The following RNF217 variants were observed in gnomAD, a reference collection of about 807,000 sequenced individuals.
RNF217 encodes the protein E3 ubiquitin-protein ligase RNF217.
Under a neutral mutation model 57.8 loss-of-function variants are expected in RNF217, and 31 were observed. The ratio of observed to expected loss-of-function variants is 0.54; its 90% CI spans 0.40 to 0.72. The LOEUF (loss-of-function observed/expected upper bound fraction) is 0.72. RNF217 is among the 30% of genes least tolerant of loss of function. The pLI, the probability that RNF217 is intolerant of heterozygous loss-of-function variation, is 0.00. For synonymous variants in RNF217, 313 were observed against 294.0 expected (o/e 1.06, Z -0.66); for missense variants, 696 against 708.3 (o/e 0.98, Z 0.20).
rs532746809 is a variant in RNF217, at chr6:125,076,692, G to C, written c.1317G>C (p.Met439Ile). 6.2e-7 allele frequency: 1 copy of C among 1,612,852 alleles called. No homozygotes were observed. Among genetic ancestry groups the C allele is most frequent in the East Asian group, 2.2e-5 (1 of 44,856 alleles). ...AGCGAACTGAAGGATGTGACCATAT[G>C]ACCTGCTCACAATGTAACACTAATT... ...HIQRTEGCDH[M>I]TCSQCNTNFC... is the part of the protein sequence containing the mutation. The change falls in exon 4 of 6, where the codon ATG (methionine) becomes ATC (isoleucine). Residue 439 changes from methionine (M) to isoleucine (I), a missense_variant. Coordinates refer to ENST00000521654, the MANE Select transcript of RNF217 (RefSeq NM_001286398.3).
chr6:125,064,757 A>G (rs768382638), intron 3 of RNF217, among the ~76,000 whole-genome samples: 1 of 152,094 alleles, frequency 6.6e-6, no homozygotes, highest in Non-Finnish European at 1.5e-5. Context: ...GTACGTGTGT[A>G]TATATTATTT....
At chr6:125,004,904 A>G (rs1406089508) in intron 1 of RNF217, among the ~76,000 whole-genome samples, 2 of 152,174 alleles carry the variant, frequency 1.3e-5, no homozygotes, top group African/African-American at 4.8e-5. Flanking sequence ...AATACCACAG[A>G]CTGGGTAATT....
At chr6:125,037,737 A>T (rs529188143) in intron 1 of RNF217, among the ~76,000 whole-genome samples, 1 of 152,250 alleles carries the variant, frequency 6.6e-6, no homozygotes, top group East Asian at 1.9e-4. Context: ...TGCTTGTAGT[A>T]GATCTATGTA....
chr6:125,035,856 TG>T (rs1393320300), intron 1 of RNF217, among the ~76,000 whole-genome samples: 1 of 152,008 alleles, frequency 6.6e-6, no homozygotes, highest in Non-Finnish European at 1.5e-5. Flanking sequence ...TGTTTTTGTT[TG>T]TTTGTTTGCA....
At chr6:124,980,345 C>T (rs745990541) in intron 1 of RNF217, among the ~76,000 whole-genome samples, 2 of 152,140 alleles carry the variant, frequency 1.3e-5, no homozygotes, top group African/African-American at 2.4e-5. Flanking sequence ...ATCTTCATTA[C>T]TTTTTAAAAC....
At chr6:124,967,416 T>C (rs1342262871) in intron 1 of RNF217, among the ~76,000 whole-genome samples, 1 of 152,230 alleles carries the variant, frequency 6.6e-6, no homozygotes, top group Admixed American at 6.5e-5. Flanking sequence ...CAGAAAAATC[T>C]GTCATAAATA....
intron 4 of RNF217, among the ~76,000 whole-genome samples, chr6:125,079,519 G>T (rs1242362102): frequency 6.6e-6 from 1 of 151,658 alleles, no homozygotes; most frequent in African/African-American, 2.4e-5. Flanking sequence ...AATATTCAGT[G>T]TTACTAGCTG....
At chr6:125,067,301 A>C (rs1028065190) in intron 3 of RNF217, among the ~76,000 whole-genome samples, 2 of 152,226 alleles carry the variant, frequency 1.3e-5, no homozygotes, top group Non-Finnish European at 1.5e-5. Context: ...TTTATCCTCC[A>C]GACTATAGGG....
chr6:125,009,232 T>TA (rs1251594500), intron 1 of RNF217: 1 of 1,608,240 alleles, frequency 6.2e-7, no homozygotes, highest in Non-Finnish European at 8.5e-7. Context: ...TGTTGTATAA[T>TA]TAGTTCTCTT....
intron 1 of RNF217, among the ~76,000 whole-genome samples, chr6:125,036,255 C>T (rs1786610902): frequency 6.6e-6 from 1 of 152,158 alleles, no homozygotes; most frequent in African/African-American, 2.4e-5. Context: ...AGGACGTGAA[C>T]TCATTCTTTT....
At position 125,084,587 on chromosome 6, in the gene RNF217, T is replaced by C. The variant is rs2114665247; in HGVS notation, c.*1650T>C. On this transcript the variant is annotated 3_prime_UTR_variant, in exon 6 of 6. Transcript: ENST00000521654. ...TTTGTTGGGCTCCAGAGTGTAAGAA[T>C]ATTTTATTTTTTGTTTGACATAAAA... 1 of 152,100 alleles carries C rather than the reference T, an allele frequency of 6.6e-6. No individual in the cohort carries two copies. The highest frequency in any genetic ancestry group is 1.9e-4 in the East Asian group (1 of 5,176). The allele number at this position is 152,100 out of a possible 1,614,324, so 9.4% of individuals were successfully genotyped here. A position where few individuals can be genotyped will look rare whatever the true frequency, so the allele number is the denominator to read the frequency against.
intron 2 of RNF217, among the ~76,000 whole-genome samples, chr6:125,056,394 T>C (rs1391960743): frequency 5.9e-5 from 9 of 152,312 alleles, no homozygotes; most frequent in South Asian, 4.1e-4. Context: ...GACATTATCA[T>C]TGAACAGAAT....
At chr6:125,065,290 C>CAAAAAA (rs1192938088) in intron 3 of RNF217, among the ~76,000 whole-genome samples, 1 of 63,736 alleles carries the variant, frequency 1.6e-5, no homozygotes, top group African/African-American at 5.4e-5. Context: ...GACTCTGTCT[C>CAAAAAA]AAAAAAAAAA....
intron 1 of RNF217, among the ~76,000 whole-genome samples, chr6:125,043,958 A>G (rs1786986601): frequency 6.6e-6 from 1 of 152,058 alleles, no homozygotes. Flanking sequence ...TCTGGTATTC[A>G]ATATGTCACC....
intron 3 of RNF217, among the ~76,000 whole-genome samples, chr6:125,061,474 C>A (rs764099012): frequency 2.0e-5 from 3 of 150,392 alleles, no homozygotes; most frequent in South Asian, 4.2e-4. Context: ...CTGTTCATAC[C>A]CTTTGCCCAT....
intron 1 of RNF217, among the ~76,000 whole-genome samples, chr6:124,983,995 C>A (rs1784273526): frequency 1.3e-5 from 2 of 152,062 alleles, no homozygotes; most frequent in African/African-American, 4.8e-5. Context: ...CTCTCTGAAG[C>A]CTCTTTTGTA....
chr6:124,978,538 C>A (rs1784048616), intron 1 of RNF217, among the ~76,000 whole-genome samples: 1 of 151,926 alleles, frequency 6.6e-6, no homozygotes, highest in South Asian at 2.1e-4. Flanking sequence ...AGGTCTGAGT[C>A]CCCAAGAAAT....
chr6:125,051,818 C>T (rs1017631296), intron 2 of RNF217, among the ~76,000 whole-genome samples: 5 of 151,926 alleles, frequency 3.3e-5, no homozygotes, highest in Non-Finnish European at 7.4e-5. Flanking sequence ...ACATCTTGTT[C>T]AAAACAGGAT....
In RNF217 at chr6:124,982,609, T is replaced by C. The variant is rs961696626; in HGVS notation, c.882+19183T>C. Among the ~76,000 whole-genome samples, 5 of 152,012 alleles carry C rather than the reference T, an allele frequency of 3.3e-5. No individual in the cohort carries two copies. The South Asian group carries it at 6.2e-4, about 19-fold the overall frequency. On this transcript the variant is annotated intron_variant, in intron 1 of 5. Transcript: ENST00000521654. ...ACATAATAACTTATAATCATTGCCG[T>C]TTTATAGATCATTTATTAATAATAT...
Sources: allele counts gnomAD v4.1 joint callset (sites outside exome capture counted in the v4.1 genomes callset), GRCh38; gene constraint gnomAD v4.1.1; transcripts MANE v1.5; gene names NCBI Gene and HGNC (gene_info 2026-07-23, HGNC 2026-07-21).